The following C12orf54 variants were observed in gnomAD, a reference collection of about 807,000 sequenced individuals.
C12orf54 encodes uncharacterized protein C12orf54.
Under a neutral mutation model 26.4 loss-of-function variants are expected in C12orf54, and 24 were observed. The ratio of observed to expected loss-of-function variants is 0.91; its 90% CI spans 0.66 to 1.28. The LOEUF is 1.28. Ranked by LOEUF, C12orf54 falls within the 50% of genes most tolerant of loss-of-function variation. C12orf54 has a pLI of 0.00. For synonymous variants in C12orf54, 54 were observed against 47.0 expected (o/e 1.15, Z -0.61); for missense variants, 154 against 150.9 (o/e 1.02, Z -0.11).
the C12orf54 span, among the ~76,000 whole-genome samples, chr12:48,413,674 T>A: frequency 6.6e-6 from 1 of 152,236 alleles, no homozygotes. Flanking sequence ...ACATGTTGTT[T>A]TGACTTTTAA....
chr12:48,471,718 C>T, the C12orf54 span, among the ~76,000 whole-genome samples: 30,205 of 152,096 alleles, frequency 0.2, 3,346 homozygotes, highest in South Asian at 0.3. Context: ...GTTTTTGTGT[C>T]GATACCATGC....
At chr12:48,430,181 G>C in the C12orf54 span, among the ~76,000 whole-genome samples, 1 of 152,078 alleles carries the variant, frequency 6.6e-6, no homozygotes, top group Non-Finnish European at 1.5e-5. Flanking sequence ...TTAAACCTAA[G>C]GCATGAAACT....
chr12:48,448,002 A>C, the C12orf54 span, among the ~76,000 whole-genome samples: 2 of 151,416 alleles, frequency 1.3e-5, no homozygotes. Context: ...AGCAAAGACC[A>C]GCCCCCAGCT....
At chr12:48,466,536 CTT>C in the C12orf54 span, among the ~76,000 whole-genome samples, 2 of 81,844 alleles carry the variant, frequency 2.4e-5, no homozygotes, top group African/African-American at 9.0e-5. Context: ...AAGCGTGAAA[CTT>C]TGCCTTAAAA....
the C12orf54 span, among the ~76,000 whole-genome samples, chr12:48,421,240 C>T: frequency 9.9e-5 from 15 of 152,214 alleles, no homozygotes; most frequent in South Asian, 3.1e-3. Context: ...CTGGGAAGAC[C>T]TCAGGAAACT....
the C12orf54 span, among the ~76,000 whole-genome samples, chr12:48,475,775 G>A: frequency 1.1e-4 from 16 of 152,342 alleles, no homozygotes; most frequent in African/African-American, 3.6e-4. Flanking sequence ...TCTGATTGGT[G>A]TACCTGAAAG....
At chr12:48,479,563 G>A (rs1014879799), upstream of C12orf54, among the ~76,000 whole-genome samples, 1 of 151,026 alleles carries the variant, frequency 6.6e-6, no homozygotes, top group African/African-American at 2.4e-5. Flanking sequence ...AGGGACCTAA[G>A]TGCTGGAGGC....
the C12orf54 span, among the ~76,000 whole-genome samples, chr12:48,430,710 C>T: frequency 6.6e-6 from 1 of 152,098 alleles, no homozygotes; most frequent in Non-Finnish European, 1.5e-5. Context: ...GGAATGTAAA[C>T]TAGTACAGCC....
chr12:48,448,384 A>G, the C12orf54 span, among the ~76,000 whole-genome samples: 1 of 152,208 alleles, frequency 6.6e-6, no homozygotes, highest in Admixed American at 6.5e-5. Flanking sequence ...ACATTCTGAA[A>G]TTACCTTGTT....
chr12:48,454,096 GTTTTTTT>G, the C12orf54 span, among the ~76,000 whole-genome samples: 1 of 94,280 alleles, frequency 1.1e-5, no homozygotes, highest in African/African-American at 3.4e-5. Context: ...TTTTTTGTTT[GTTTTTTT>G]TTTTTTTTTT....
the C12orf54 span, among the ~76,000 whole-genome samples, chr12:48,438,402 A>G: frequency 1.6e-4 from 24 of 151,678 alleles, no homozygotes; most frequent in Admixed American, 1.3e-4. Flanking sequence ...GGAAAAAACT[A>G]CTTTAAAGTT....
the C12orf54 span, among the ~76,000 whole-genome samples, chr12:48,465,352 A>G: frequency 6.6e-6 from 1 of 152,214 alleles, no homozygotes. Flanking sequence ...GTGAATAAAA[A>G]GCACAATGAG....
chr12:48,458,732 T>TC, the C12orf54 span, among the ~76,000 whole-genome samples: 1 of 117,606 alleles, frequency 8.5e-6, no homozygotes, highest in Non-Finnish European at 1.8e-5. Flanking sequence ...CCTTGATTGT[T>TC]CTTTTTTTTT....
At chr12:48,435,007 CT>C in the C12orf54 span, among the ~76,000 whole-genome samples, 3 of 151,964 alleles carry the variant, frequency 2.0e-5, no homozygotes, top group Non-Finnish European at 4.4e-5. Flanking sequence ...AAGTTAAAAA[CT>C]TTGAAAAAAA....
chr12:48,462,624 A>G, the C12orf54 span, among the ~76,000 whole-genome samples: 1 of 151,728 alleles, frequency 6.6e-6, no homozygotes, highest in Admixed American at 6.6e-5. Flanking sequence ...CAGAATAAAG[A>G]AGAAAAAATC....
the C12orf54 span, among the ~76,000 whole-genome samples, chr12:48,467,037 A>C: frequency 7.2e-5 from 11 of 152,280 alleles, no homozygotes; most frequent in East Asian, 1.9e-4. Flanking sequence ...TGTAAATGTG[A>C]CTTTATTTGG....
chr12:48,430,913 A>C, the C12orf54 span, among the ~76,000 whole-genome samples: 4 of 152,370 alleles, frequency 2.6e-5, no homozygotes, highest in African/African-American at 9.6e-5. Context: ...CCCATCAATC[A>C]ACGAGTGGGT....
the C12orf54 span, among the ~76,000 whole-genome samples, chr12:48,445,829 T>C: frequency 6.6e-6 from 1 of 152,208 alleles, no homozygotes; most frequent in African/African-American, 2.4e-5. Flanking sequence ...GTGTTTCATT[T>C]TCCCAAAAGG....
upstream of C12orf54, among the ~76,000 whole-genome samples, chr12:48,479,614 TC>T (rs1477346073): frequency 1.3e-5 from 2 of 151,786 alleles, no homozygotes; most frequent in Non-Finnish European, 2.9e-5. Context: ...TTTTTTTTTT[TC>T]ATACACCCGA....
Sources: allele counts gnomAD v4.1 joint callset (sites outside exome capture counted in the v4.1 genomes callset), GRCh38; gene constraint gnomAD v4.1.1; transcripts MANE v1.5; gene names NCBI Gene and HGNC (gene_info 2026-07-23, HGNC 2026-07-21).